Variants in IL1RAPL1 observed in about 807,000 individuals in gnomAD.
The protein encoded by IL1RAPL1 is interleukin 1 receptor accessory protein like 1.
In IL1RAPL1, 3 loss-of-function variants were observed where a neutral mutation model predicts 48.4. The observed-to-expected ratio is 0.06, with a 90% CI of 0.03 to 0.16. The LOEUF is 0.16. Ranked by LOEUF, IL1RAPL1 falls within the 10% of genes least tolerant of loss-of-function variation. The pLI is 1.00. For missense variants in IL1RAPL1, 349 were observed against 530.6 expected (o/e 0.66, Z 3.36); for synonymous variants, 185 against 187.7 (o/e 0.99, Z 0.12).
intron 5 of IL1RAPL1, among the ~76,000 whole-genome samples, chrX:29,607,956 C>A (rs1923947399): frequency 8.9e-6 from 1 of 112,294 alleles, no homozygotes; most frequent in Admixed American, 9.4e-5. Flanking sequence ...TCAAACTCAA[C>A]CTTTATGTTT....
At chrX:28,868,992 A>G (rs1368904811) in intron 2 of IL1RAPL1, among the ~76,000 whole-genome samples, 1 of 112,576 alleles carries the variant, frequency 8.9e-6, no homozygotes, top group East Asian at 2.8e-4. Flanking sequence ...TTAAAGAAAG[A>G]TAAAACTATC....
At chrX:29,246,810 T>C (rs926707243) in intron 2 of IL1RAPL1, among the ~76,000 whole-genome samples, 1 of 111,297 alleles carries the variant, frequency 9.0e-6, no homozygotes, top group African/African-American at 3.3e-5. Context: ...CTAGAGCTGT[T>C]CCCAAAGATT....
In IL1RAPL1 at chrX:29,602,210, T is replaced by C. The variant is rs371939927; in HGVS notation, c.704-66220T>C. Among the ~76,000 whole-genome samples the C allele has an allele frequency of 4.1e-3, 428 of 103,207 alleles. 55 individuals are homozygous for C. The highest frequency in any genetic ancestry group is 0.017 in the African/African-American group (399 of 22,871). 89.6% of individuals were successfully genotyped at this position (103,207 alleles called of 115,157 possible). Reference sequence around the variant, plus strand: ...GTTGATCAGGCTGATCTCAAACTCCTGACCTCATGTGATCCACCTGCCTCG... The same window carrying C: ...GTTGATCAGGCTGATCTCAAACTCCCGACCTCATGTGATCCACCTGCCTCG... On this transcript the variant is annotated intron_variant, in intron 5 of 10. Transcript: ENST00000378993.
chrX:29,761,042 C>T (rs1928739523), intron 6 of IL1RAPL1, among the ~76,000 whole-genome samples: 1 of 111,707 alleles, frequency 9.0e-6, no homozygotes, highest in African/African-American at 3.3e-5. Flanking sequence ...CTTTTATTCT[C>T]CCCTCTTTGC....
intron 5 of IL1RAPL1, among the ~76,000 whole-genome samples, chrX:29,503,152 G>A (rs762418766): frequency 4.2e-4 from 47 of 111,022 alleles, no homozygotes; most frequent in Non-Finnish European, 8.0e-4. Context: ...TTTCTTTTTG[G>A]TTCCTGATTT....
chrX:28,698,528 G>T (rs1204151523), intron 1 of IL1RAPL1, among the ~76,000 whole-genome samples: 1 of 111,116 alleles, frequency 9.0e-6, no homozygotes, highest in Non-Finnish European at 1.9e-5. Context: ...TAATCACAAT[G>T]ATTCATTTTA....
chrX:29,072,696 CAT>C lies in IL1RAPL1; in HGVS notation c.83-210240_83-210239del, dbSNP rs200114848. On this transcript the variant is annotated intron_variant, in intron 2 of 10. Transcript: ENST00000378993. ...ATTGAAGTTGACACTTGGTAAAATTCATAGTCTAAATTATCTCAGCTTGGTTA... is the reference window on the plus strand; with the variant it reads ...ATTGAAGTTGACACTTGGTAAAATTCAGTCTAAATTATCTCAGCTTGGTTA... Among the ~76,000 whole-genome samples the C allele has an allele frequency of 9.9e-3, 1,105 of 111,778 alleles. 8 individuals are homozygous for C. Among genetic ancestry groups the C allele is most frequent in the Middle Eastern group, 0.018 (4 of 217 alleles).
At chrX:29,586,648 A>G (rs997749940) in intron 5 of IL1RAPL1, among the ~76,000 whole-genome samples, 1 of 111,313 alleles carries the variant, frequency 9.0e-6, no homozygotes, top group Admixed American at 9.5e-5. Context: ...CGTTTTAACA[A>G]TATTAATTCT....
intron 5 of IL1RAPL1, among the ~76,000 whole-genome samples, chrX:29,578,686 TCTTA>T (rs1922855615): frequency 8.9e-6 from 1 of 111,760 alleles, no homozygotes; most frequent in African/African-American, 3.3e-5. Flanking sequence ...CTCAAGAATT[TCTTA>T]CTGTCTTTAT....
intron 6 of IL1RAPL1, among the ~76,000 whole-genome samples, chrX:29,887,388 T>G (rs1349739186): frequency 3.6e-5 from 4 of 112,559 alleles, no homozygotes; most frequent in Non-Finnish European, 5.6e-5. Context: ...AGAGCTGTGT[T>G]GCTTCAACTT....
intron 6 of IL1RAPL1, among the ~76,000 whole-genome samples, chrX:29,742,649 G>GA (rs1928235363): frequency 9.0e-6 from 1 of 110,945 alleles, no homozygotes; most frequent in African/African-American, 3.3e-5. Flanking sequence ...AAACAGAATG[G>GA]AAAAAAAATC....
intron 8 of IL1RAPL1, among the ~76,000 whole-genome samples, chrX:29,934,416 T>C (rs1361338499): frequency 1.8e-5 from 2 of 112,078 alleles, no homozygotes; most frequent in Admixed American, 9.5e-5. Context: ...TCGTGTACAA[T>C]AGCTGTAAAT....
intron 5 of IL1RAPL1, among the ~76,000 whole-genome samples, chrX:29,648,135 C>T (rs1360327232): frequency 9.0e-6 from 1 of 110,936 alleles, no homozygotes; most frequent in East Asian, 2.8e-4. Context: ...CATTGGAGCA[C>T]CTAAATATAC....
intron 1 of IL1RAPL1, among the ~76,000 whole-genome samples, chrX:28,602,904 A>C (rs1934042954): frequency 1.8e-5 from 2 of 112,058 alleles, no homozygotes; most frequent in African/African-American, 6.5e-5. Context: ...TTAAAGGTTT[A>C]GTATTGCTTC....
intron 5 of IL1RAPL1, among the ~76,000 whole-genome samples, chrX:29,590,761 A>G (rs1189350088): frequency 9.0e-6 from 1 of 111,524 alleles, no homozygotes; most frequent in Non-Finnish European, 1.9e-5. Context: ...TGATCATTGG[A>G]GTTGATGACT....
At chrX:29,659,975 A>C (rs1472391130) in intron 5 of IL1RAPL1, among the ~76,000 whole-genome samples, 1 of 111,605 alleles carries the variant, frequency 9.0e-6, no homozygotes, top group East Asian at 2.8e-4. Flanking sequence ...ATGGCTAGGG[A>C]GGCCTCAGGG....
rs1927275347 is a variant in IL1RAPL1 at position 29,058,548 on chromosome X, C to T, written c.83-224390C>T. Among the ~76,000 whole-genome samples, 2 of 111,776 alleles carry T rather than the reference C, an allele frequency of 1.8e-5. 1 individual carries two copies. Among genetic ancestry groups the T allele is most frequent in the Admixed American group, 1.9e-4 (2 of 10,523 alleles). On this transcript the variant is annotated intron_variant, in intron 2 of 10. Transcript: ENST00000378993. ...TTCTCTTTGTGTTTTATATTTAGTA[C>T]TAAAAAAGTGATTTGTGGCTAATAT...
chrX:29,908,622 T>C (rs913069475), intron 6 of IL1RAPL1, among the ~76,000 whole-genome samples: 2 of 111,513 alleles, frequency 1.8e-5, no homozygotes, highest in Non-Finnish European at 1.9e-5. Flanking sequence ...GATTATATTT[T>C]GTTTAAAATA....
chrX:29,360,361 A>G (rs1933359946), intron 3 of IL1RAPL1, among the ~76,000 whole-genome samples: 1 of 111,837 alleles, frequency 8.9e-6, no homozygotes, highest in African/African-American at 3.2e-5. Flanking sequence ...ATGGGTTTCC[A>G]TGATTCAGGG....
Sources: gnomAD v4.1 joint callset for allele counts (sites outside exome capture counted in the v4.1 genomes callset) on GRCh38, gnomAD v4.1.1 for gene constraint, MANE v1.5 for transcripts, NCBI Gene and HGNC (gene_info 2026-07-23, HGNC 2026-07-21) for gene names.